PDGFRL: variants seen among roughly 807,000 people sequenced by gnomAD.
The protein encoded by PDGFRL is platelet-derived growth factor receptor-like protein.
A neutral mutation model predicts 37.2 loss-of-function variants in PDGFRL; 46 were observed. The ratio of observed to expected loss-of-function variants is 1.24; its 90% CI spans 0.98 to 1.58. The LOEUF (loss-of-function observed/expected upper bound fraction) is 1.58. PDGFRL is among the 40% of genes most tolerant of loss of function. The pLI, the probability that PDGFRL is intolerant of heterozygous loss-of-function variation, is 0.00. For missense variants in PDGFRL, 692 were observed against 467.6 expected (o/e 1.48, Z -4.43); for synonymous variants, 251 against 184.3 (o/e 1.36, Z -2.93).
At chr8:17,601,587 G>T (rs1046539683) in intron 2 of PDGFRL, among the ~76,000 whole-genome samples, 2 of 152,038 alleles carry the variant, frequency 1.3e-5, no homozygotes, top group South Asian at 2.1e-4. Context: ...CTTAGTACCC[G>T]ATAGGTAGTT....
At chr8:17,594,174 T>C (rs1804002758) in intron 2 of PDGFRL, among the ~76,000 whole-genome samples, 1 of 152,140 alleles carries the variant, frequency 6.6e-6, no homozygotes, top group East Asian at 1.9e-4. Context: ...TCAAAGTTCT[T>C]TGATGTTGCA....
In PDGFRL at chr8:17,632,819, G is replaced by A. The variant is rs985882777; in HGVS notation, c.800-1255G>A. ...ACTCCGCCACTGCCTCTCACCCAGG[G>A]CCATGAACATGGGCATTCCCAGCCT... On this transcript the variant is annotated intron_variant, in intron 4 of 5. Transcript: ENST00000251630. Among the ~76,000 whole-genome samples, 153 of 151,926 alleles carry A rather than the reference G, an allele frequency of 1.0e-3. 1 individual carries two copies. The highest frequency in any genetic ancestry group is 5.9e-5 in the Non-Finnish European group (4 of 67,958).
chr8:17,590,999 C>T (rs1420160788), intron 2 of PDGFRL, among the ~76,000 whole-genome samples: 3 of 151,766 alleles, frequency 2.0e-5, no homozygotes, highest in Non-Finnish European at 4.4e-5. Flanking sequence ...TCTCCTGCCT[C>T]AGCCTCCCAA....
intron 2 of PDGFRL, among the ~76,000 whole-genome samples, chr8:17,593,994 A>G (rs911476928): frequency 1.3e-5 from 2 of 152,150 alleles, no homozygotes; most frequent in Non-Finnish European, 2.9e-5. Flanking sequence ...TTCATCTTGC[A>G]TGGCCGAAAC....
chr8:17,602,471 G>T (rs1222190455), intron 2 of PDGFRL, among the ~76,000 whole-genome samples: 1 of 152,152 alleles, frequency 6.6e-6, no homozygotes, highest in Non-Finnish European at 1.5e-5. Context: ...AGGCAAGAGA[G>T]AGTAATCATC....
intron 2 of PDGFRL, among the ~76,000 whole-genome samples, chr8:17,612,307 GC>G (rs1324178481): frequency 6.6e-6 from 1 of 152,052 alleles, no homozygotes; most frequent in Non-Finnish European, 1.5e-5. Context: ...TACTTGTTTT[GC>G]TTTTATTATA....
At chr8:17,636,469 A>G (rs1287177939) in intron 5 of PDGFRL, among the ~76,000 whole-genome samples, 4 of 151,712 alleles carry the variant, frequency 2.6e-5, no homozygotes, top group African/African-American at 4.8e-5. Context: ...CCACTGGTCT[A>G]TGTGCTATTT....
intron 2 of PDGFRL, among the ~76,000 whole-genome samples, chr8:17,619,949 C>T (rs977435086): frequency 6.6e-6 from 1 of 152,112 alleles, no homozygotes; most frequent in Non-Finnish European, 1.5e-5. Context: ...CCCCACACAC[C>T]CATTTATCAG....
intron 2 of PDGFRL, among the ~76,000 whole-genome samples, chr8:17,603,279 G>A (rs116187758): frequency 1.1e-3 from 172 of 152,242 alleles, no homozygotes; most frequent in African/African-American, 3.9e-3. Context: ...GAGCCACCAC[G>A]CCCAGCCCAA....
intron 2 of PDGFRL, among the ~76,000 whole-genome samples, chr8:17,601,623 C>T (rs368483985): frequency 3.9e-5 from 6 of 152,288 alleles, no homozygotes; most frequent in African/African-American, 1.2e-4. Context: ...TCTTCCCACC[C>T]TCCACCTTCA....
intron 1 of PDGFRL, among the ~76,000 whole-genome samples, chr8:17,589,235 A>T (rs1292735597): frequency 6.6e-6 from 1 of 151,836 alleles, no homozygotes; most frequent in Non-Finnish European, 1.5e-5. Flanking sequence ...AAAATACAAA[A>T]ATGAGTTGGG....
intron 2 of PDGFRL, chr8:17,596,317 A>G (rs2150817818): frequency 8.1e-7 from 1 of 1,228,606 alleles, no homozygotes; most frequent in Non-Finnish European, 1.0e-6. Context: ...GCTCACAGGC[A>G]CATGGGCTGC....
chr8:17,606,276 T>C (rs1368571796), intron 2 of PDGFRL, among the ~76,000 whole-genome samples: 1 of 152,208 alleles, frequency 6.6e-6, no homozygotes, highest in Non-Finnish European at 1.5e-5. Flanking sequence ...TACACTTAAG[T>C]GCATTCATAT....
At chr8:17,588,430 A>G (rs187549931) in intron 1 of PDGFRL, among the ~76,000 whole-genome samples, 7 of 152,136 alleles carry the variant, frequency 4.6e-5, no homozygotes, top group African/African-American at 1.4e-4. Flanking sequence ...TAATTGCAGC[A>G]CTTTGGGAGG....
intron 2 of PDGFRL, among the ~76,000 whole-genome samples, chr8:17,613,026 T>C (rs1391454830): frequency 6.6e-6 from 1 of 152,246 alleles, no homozygotes; most frequent in Non-Finnish European, 1.5e-5. Flanking sequence ...TAATCTACCA[T>C]GAATATTTTT....
intron 3 of PDGFRL, among the ~76,000 whole-genome samples, chr8:17,626,738 AAAAAG>A (rs1343071088): frequency 6.6e-6 from 1 of 152,196 alleles, no homozygotes; most frequent in Non-Finnish European, 1.5e-5. Flanking sequence ...TACCATGCCA[AAAAAG>A]AAAAGCCACC....
At chr8:17,593,266 G>T (rs1803981516) in intron 2 of PDGFRL, among the ~76,000 whole-genome samples, 6 of 151,912 alleles carry the variant, frequency 3.9e-5, no homozygotes, top group Admixed American at 3.9e-4. Flanking sequence ...TTTATGTACA[G>T]TAAAAAACAT....
At chr8:17,627,682 C>A (rs62496764) in intron 3 of PDGFRL, among the ~76,000 whole-genome samples, 3 of 151,340 alleles carry the variant, frequency 2.0e-5, no homozygotes, top group Non-Finnish European at 2.9e-5. Context: ...CACCATGTTG[C>A]CCAGGCTGGT....
chr8:17,579,557 T>A (rs886671951), intron 1 of PDGFRL, among the ~76,000 whole-genome samples: 986 of 13,722 alleles, frequency 0.072, 18 homozygotes, highest in African/African-American at 0.14. Flanking sequence ...ATTATTATTG[T>A]TATTATTATT....
Sources: allele counts gnomAD v4.1 joint callset (sites outside exome capture counted in the v4.1 genomes callset), GRCh38; gene constraint gnomAD v4.1.1; transcripts MANE v1.5; gene names NCBI Gene and HGNC (gene_info 2026-07-23, HGNC 2026-07-21).